The following INPP4B variants were observed in gnomAD, a reference collection of about 807,000 sequenced individuals.
INPP4B encodes inositol polyphosphate 4-phosphatase type II.
A neutral mutation model predicts 122.5 loss-of-function variants in INPP4B; 55 were observed. The observed-to-expected ratio is 0.45, with a 90% CI of 0.36 to 0.56. The LOEUF (loss-of-function observed/expected upper bound fraction) is 0.56. INPP4B is among the 20% of genes least tolerant of loss of function. INPP4B has a pLI of 0.00. For synonymous variants in INPP4B, 403 were observed against 388.7 expected, an observed-to-expected ratio of 1.04 and a Z score of -0.43; for missense variants, 1,000 against 1,097.7, an observed-to-expected ratio of 0.91 and a Z score of 1.26.
chr4:142,480,520 T>TGA (rs1199042742), intron 2 of INPP4B, among the ~76,000 whole-genome samples: 1 of 152,192 alleles, frequency 6.6e-6, no homozygotes, highest in Non-Finnish European at 1.5e-5. Context: ...CAAGGTAGTC[T>TGA]GAGAAGTCAA....
intron 11 of INPP4B, 67 bp downstream of exon 11, chr4:142,260,425 G>T: frequency 2.0e-6 from 2 of 994,268 alleles, no homozygotes; most frequent in Non-Finnish European, 3.2e-6. Context: ...CTGGTTCAGT[G>T]TTGATTTTAC....
intron 2 of INPP4B, among the ~76,000 whole-genome samples, chr4:142,499,892 T>C (rs1213289447): frequency 1.3e-5 from 2 of 152,096 alleles, no homozygotes; most frequent in Non-Finnish European, 2.9e-5. Context: ...CACCTTGCAA[T>C]CTGATCAAAA....
At chr4:142,469,135 T>TAA (rs1285324709) in intron 2 of INPP4B, among the ~76,000 whole-genome samples, 8 of 141,580 alleles carry the variant, frequency 5.7e-5, no homozygotes, top group African/African-American at 1.8e-4. Flanking sequence ...AGAAAAACTG[T>TAA]AAAAAAAAAA....
At chr4:142,380,988 G>C (rs945100545) in intron 7 of INPP4B, among the ~76,000 whole-genome samples, 1 of 152,014 alleles carries the variant, frequency 6.6e-6, no homozygotes, top group African/African-American at 2.4e-5. Flanking sequence ...GGATGCATCA[G>C]AATTTATTCA....
Position 142,233,583 on chromosome 4 carries a change from C to A in INPP4B, c.836+4281G>T, listed in dbSNP as rs115457290. On this transcript the variant is annotated intron_variant, in intron 12 of 25. Transcript: ENST00000262992. ...CATTTTCATTAAACAAGGTAAGAGT[C>A]TATCTGAATTGTGAGACTGGGAGGG... Among the ~76,000 whole-genome samples, 744 of 152,176 alleles carry A rather than the reference C, an allele frequency of 4.9e-3. 10 individuals are homozygous for A. Among genetic ancestry groups the A allele is most frequent in the African/African-American group, 0.017 (711 of 41,522 alleles).
chr4:142,784,715 C>A (rs990325451), intron 1 of INPP4B, among the ~76,000 whole-genome samples: 1 of 151,896 alleles, frequency 6.6e-6, no homozygotes, highest in Non-Finnish European at 1.5e-5. Context: ...CAGTAAAGAT[C>A]TGAGAAAAAT....
intron 7 of INPP4B, among the ~76,000 whole-genome samples, chr4:142,341,696 T>C (rs1778748826): frequency 1.3e-5 from 2 of 152,194 alleles, no homozygotes; most frequent in African/African-American, 2.4e-5. Context: ...TATATTCCAT[T>C]ACATAAGATT....
chr4:142,450,411 T>C (rs148589310), intron 3 of INPP4B, among the ~76,000 whole-genome samples: 6 of 152,286 alleles, frequency 3.9e-5, no homozygotes, highest in Admixed American at 1.3e-4. Context: ...GTGTGTCACA[T>C]AGAAACATGC....
chr4:142,101,189 C>T (rs1014107575), intron 23 of INPP4B, among the ~76,000 whole-genome samples: 1 of 152,072 alleles, frequency 6.6e-6, no homozygotes, highest in Admixed American at 6.6e-5. Context: ...TTTGTGGCAG[C>T]AATGAACCAC....
At chr4:142,594,954 C>CAAAAAAA (rs70949177) in intron 2 of INPP4B, among the ~76,000 whole-genome samples, 2 of 58,040 alleles carry the variant, frequency 3.4e-5, no homozygotes, top group African/African-American at 1.4e-4. Flanking sequence ...GACTCTGTCT[C>CAAAAAAA]AAAAAAAAAA....
chr4:142,340,977 C>T (rs1340327257), intron 7 of INPP4B, among the ~76,000 whole-genome samples: 1 of 152,178 alleles, frequency 6.6e-6, no homozygotes, highest in East Asian at 1.9e-4. Context: ...ACATCATTCT[C>T]CAGGAACTTA....
chr4:142,270,626 T>C (rs746051535), intron 10 of INPP4B, 37 bp downstream of exon 10: 1 of 1,357,866 alleles, frequency 7.4e-7, no homozygotes, highest in Admixed American at 1.7e-5. Context: ...TGATCATTTT[T>C]AATTTAATTT....
chr4:142,478,227 T>C (rs1820053128), intron 2 of INPP4B, among the ~76,000 whole-genome samples: 1 of 152,210 alleles, frequency 6.6e-6, no homozygotes, highest in South Asian at 2.1e-4. Context: ...TGCAAACAGC[T>C]AGTTTGACTT....
intron 23 of INPP4B, among the ~76,000 whole-genome samples, chr4:142,092,641 C>A (rs1780115251): frequency 6.6e-6 from 1 of 152,176 alleles, no homozygotes; most frequent in Admixed American, 6.5e-5. Context: ...TCTCTTGAAA[C>A]CTACCTTACT....
intron 7 of INPP4B, among the ~76,000 whole-genome samples, chr4:142,334,898 T>C (rs1226488465): frequency 1.3e-5 from 2 of 152,070 alleles, no homozygotes; most frequent in Non-Finnish European, 1.5e-5. Context: ...TTTGCAAATA[T>C]TTTTCCAGTT....
chr4:142,155,359 T>A (rs1816638738), intron 17 of INPP4B, among the ~76,000 whole-genome samples: 1 of 152,154 alleles, frequency 6.6e-6, no homozygotes, highest in Non-Finnish European at 1.5e-5. Flanking sequence ...GTAGACGTAA[T>A]GTTTTCTAAG....
At chr4:142,302,655 A>G (rs1761925135) in intron 9 of INPP4B, among the ~76,000 whole-genome samples, 1 of 152,074 alleles carries the variant, frequency 6.6e-6, no homozygotes, top group Admixed American at 6.6e-5. Context: ...TGTCATCCTT[A>G]TTATCATTCT....
intron 7 of INPP4B, among the ~76,000 whole-genome samples, chr4:142,348,884 A>C (rs1381780885): frequency 5.9e-5 from 9 of 152,020 alleles, no homozygotes; most frequent in Admixed American, 3.9e-4. Flanking sequence ...GGCACTTCGC[A>C]GCCAGCTCAG....
At chr4:142,446,369 T>C (rs535919283) in intron 3 of INPP4B, among the ~76,000 whole-genome samples, 61 of 151,996 alleles carry the variant, frequency 4.0e-4, no homozygotes, top group Non-Finnish European at 7.4e-4. Context: ...AATATAACCA[T>C]CAATAAGTAA....
Sources: allele counts gnomAD v4.1 joint callset (sites outside exome capture counted in the v4.1 genomes callset), GRCh38; gene constraint gnomAD v4.1.1; transcripts MANE v1.5; gene names NCBI Gene and HGNC (gene_info 2026-07-23, HGNC 2026-07-21).